Variants in URB1 observed in about 807,000 individuals in gnomAD.
URB1 encodes URB1 ribosome biogenesis factor, also known as nucleolar pre-ribosomal-associated protein 1.
In URB1, 197 loss-of-function variants were observed where a neutral mutation model predicts 242.3. That is an observed-to-expected ratio of 0.81 (90% CI 0.72 to 0.91). URB1 has a LOEUF of 0.91. URB1 is among the 40% of genes least tolerant of loss of function. The probability of loss-of-function intolerance (pLI) is 0.00; values close to 1 mark genes in which losing one functional copy is unlikely to be tolerated. For synonymous variants in URB1, 1,153 were observed against 1,201.8 expected (o/e 0.96, Z 0.84); for missense variants, 2,721 against 2,860.5 (o/e 0.95, Z 1.11).
intron 35 of URB1, 112 bp downstream of exon 35, chr21:32,320,419 G>A (rs1017573562): frequency 1.3e-6 from 1 of 794,896 alleles, no homozygotes; most frequent in Non-Finnish European, 2.0e-6. Context: ...ATTTCAGAGA[G>A]CATGGATTTT....
At chr21:32,370,680 T>C (rs982675940) in intron 8 of URB1, among the ~76,000 whole-genome samples, 5 of 152,226 alleles carry the variant, frequency 3.3e-5, no homozygotes, top group Non-Finnish European at 5.9e-5. Context: ...GTCTGCTCTG[T>C]TAACCTACAC....
chr21:32,377,291 G>A (rs765379524), intron 5 of URB1: 3 of 512,808 alleles, frequency 5.9e-6, no homozygotes, highest in South Asian at 4.3e-5. Context: ...GAGGTCCAGG[G>A]GGACGGGCCC....
Position 32,324,373 on chromosome 21 carries a change from C to A in URB1, c.5233+118G>T. 3.8e-6 allele frequency: 3 copies of A among 788,194 alleles called. No homozygotes were observed. In the South Asian group the frequency reaches 5.0e-5, roughly 13 times the overall value. 48.8% of individuals were successfully genotyped at this position (788,194 alleles called of 1,614,324 possible). Reference sequence around the variant, plus strand: ...TCCTCATCTTCCACAATCATGAGCACGGAGTGGCCTTGAACACAGATGTGT... The same window carrying A: ...TCCTCATCTTCCACAATCATGAGCAAGGAGTGGCCTTGAACACAGATGTGT... On this transcript the variant is annotated intron_variant, in intron 32 of 38. Transcript: ENST00000382751.
intron 5 of URB1, among the ~76,000 whole-genome samples, chr21:32,376,960 C>T (rs912613567): frequency 6.6e-6 from 1 of 152,154 alleles, no homozygotes; most frequent in Non-Finnish European, 1.5e-5. Context: ...CGACGGCCAG[C>T]CTCCAGAGTA....
rs1187950141 is a variant in URB1 at position 32,311,684 on chromosome 21, G to C, written c.*3234C>G. The C allele has an allele frequency of 1.2e-6, 2 of 1,613,792 alleles. No individual in the cohort carries two copies. Among genetic ancestry groups the C allele is most frequent in the East Asian group, 2.2e-5 (1 of 44,890 alleles). The stretch of plus-strand genomic sequence containing the variant: ...GCCTCCCACTCTGCTCTGTTCACAG[G>C]AACAGCCCCAAGCACCACCAAACAT... On this transcript the variant is annotated 3_prime_UTR_variant, in exon 39 of 39. Transcript: ENST00000382751.
chr21:32,322,413 G>C lies in URB1; in HGVS notation c.5340+65C>G. ...AGGATCCATGGGGAAATGTCAGAAT[G>C]ACAACGGTGGCTGCATCATCAATTC... On this transcript the variant is annotated intron_variant, in intron 33 of 38. Coordinates refer to ENST00000382751, the MANE Select transcript of URB1 (RefSeq NM_014825.3). 3 of 1,385,270 alleles carry C rather than the reference G, an allele frequency of 2.2e-6. No homozygotes were observed. In the East Asian group the frequency reaches 7.5e-5, roughly 35 times the overall value. The allele number at this position is 1,385,270 out of a possible 1,614,324, so 85.8% of individuals were successfully genotyped here.
intron 37 of URB1, 101 bp from the exon 38 acceptor site, chr21:32,317,166 G>A: frequency 1.4e-6 from 2 of 1,428,220 alleles, no homozygotes; most frequent in African/African-American, 1.4e-5. Context: ...GGGGCGGCTT[G>A]CATGTCCTGA....
At chr21:32,384,289 G>A in intron 3 of URB1, 24 bp downstream of exon 3, 3 of 1,542,952 alleles carry the variant, frequency 1.9e-6, no homozygotes, top group Non-Finnish European at 1.8e-6. Context: ...CCCATCCTTT[G>A]TCACACCAAG....
intron 8 of URB1, among the ~76,000 whole-genome samples, chr21:32,371,897 T>C (rs1045574487): frequency 6.6e-6 from 1 of 152,150 alleles, no homozygotes; most frequent in African/African-American, 2.4e-5. Flanking sequence ...AACCAGTAGA[T>C]TTGAACTTAA....
In URB1 at chr21:32,368,427, T is replaced by C; in HGVS notation, c.1173A>G (p.Leu391=). 1 of 1,546,948 alleles carries C rather than the reference T, an allele frequency of 6.5e-7. No individual in the cohort carries two copies. The highest frequency in any genetic ancestry group is 8.7e-7 in the Non-Finnish European group (1 of 1,145,450). The change falls in exon 9 of 39, where the codon TTA becomes TTG. Residue 391 remains leucine (L), a synonymous_variant. Coordinates refer to ENST00000382751, the MANE Select transcript of URB1 (RefSeq NM_014825.3). ...CCTTGTTTAGTAGTTTGATATTATT[T>C]AACCAAGTAGACTTCGCTCGTGGGA... is the stretch of plus-strand genomic sequence containing the variant. ...SFIPRAKSTW[L]NNIKLLNKIY... is the part of the protein sequence containing the mutation.
At position 32,321,871 on chromosome 21, in the gene URB1, C is replaced by T; in HGVS notation, c.5414G>A (p.Cys1805Tyr). The change falls in exon 34 of 39, where the codon TGT (cysteine) becomes TAT (tyrosine). Residue 1805 changes from cysteine (C) to tyrosine (Y), a missense_variant. Cys to Tyr is a radical substitution (Grantham distance 194). Transcript: ENST00000382751. ...GATGTGGAAGATGCCACGCCGGGCA[C>T]ACAGTTCGTAGCACTGCTTGTCACG... is the stretch of plus-strand genomic sequence containing the variant. ...GIRDKQCYEL[C>Y]ARRGIFHIIL... is the part of the protein sequence containing the mutation. The T allele has an allele frequency of 1.3e-6, 2 of 1,551,708 alleles. No homozygotes were observed. Among genetic ancestry groups the T allele is most frequent in the Non-Finnish European group, 8.7e-7 (1 of 1,147,010 alleles).
chr21:32,375,960 AAAAACAAAAC>A (rs879536866), intron 5 of URB1, among the ~76,000 whole-genome samples: 2 of 152,270 alleles, frequency 1.3e-5, no homozygotes, highest in Admixed American at 6.5e-5. Flanking sequence ...CTGTCTCCAA[AAAAACAAAAC>A]AAAACAAAAC....
chr21:32,333,592 T>C (rs2032921025), intron 29 of URB1, among the ~76,000 whole-genome samples, 173 bp from the exon 30 acceptor site: 1 of 152,254 alleles, frequency 6.6e-6, no homozygotes, highest in Non-Finnish European at 1.5e-5. Context: ...ACAAATCATT[T>C]ATGTTTCATA....
At chr21:32,374,893 T>C (rs1018623226) in intron 6 of URB1, among the ~76,000 whole-genome samples, 3 of 152,240 alleles carry the variant, frequency 2.0e-5, no homozygotes, top group Non-Finnish European at 4.4e-5. Context: ...TTAGCCATTT[T>C]CATGTGGACT....
chr21:32,361,604 G>A (rs1272178543), intron 12 of URB1, among the ~76,000 whole-genome samples: 2 of 152,032 alleles, frequency 1.3e-5, no homozygotes, highest in African/African-American at 4.8e-5. Flanking sequence ...CCCCCATACT[G>A]TCATCCCTGG....
Position 32,312,178 on chromosome 21 carries a change from A to G in URB1, c.*2740T>C. ...GATTGCAGTGGCCCCTCGAGTGCAGAGGTCATCCCAGGTGTTGCTGAGTTT... is the reference window on the plus strand; with the variant it reads ...GATTGCAGTGGCCCCTCGAGTGCAGGGGTCATCCCAGGTGTTGCTGAGTTT... On this transcript the variant is annotated 3_prime_UTR_variant, in exon 39 of 39. Coordinates refer to ENST00000382751, the MANE Select transcript of URB1 (RefSeq NM_014825.3). 6.6e-7 allele frequency: 1 copy of G among 1,504,226 alleles called. No individual in the cohort carries two copies. The highest frequency in any genetic ancestry group is 8.8e-7 in the Non-Finnish European group (1 of 1,130,098). The allele number at this position is 1,504,226 out of a possible 1,614,324, so 93.2% of individuals were successfully genotyped here.
intron 4 of URB1, among the ~76,000 whole-genome samples, chr21:32,382,634 T>C (rs1414074130): frequency 6.6e-6 from 1 of 152,158 alleles, no homozygotes; most frequent in East Asian, 1.9e-4. Flanking sequence ...CCTGTCCCCT[T>C]ATTCTTTACG....
rs1230729367 is a variant in URB1, at chr21:32,363,182, G to A, written c.1483C>T (p.Gln495Ter). 1 of 1,552,038 alleles carries A rather than the reference G, an allele frequency of 6.4e-7. No individual in the cohort carries two copies. The change falls in exon 11 of 39, where the codon CAG becomes TAG. Residue 495 changes from glutamine (Q) to a stop codon, truncating the protein, a stop_gained. Coordinates refer to ENST00000382751, the MANE Select transcript of URB1 (RefSeq NM_014825.3). LOFTEE classifies it high-confidence loss of function. ...TTGCTCAGGGCTTCTCTGAAGAGCT[G>A]CACGAATTCTTCCATCATCACAGCT... ...YTAVMMEEFV[Q>*]LFREALSKIL...
chr21:32,381,774 C>T (rs762020028), intron 4 of URB1, among the ~76,000 whole-genome samples: 6 of 152,130 alleles, frequency 3.9e-5, no homozygotes, highest in East Asian at 1.9e-4. Context: ...ATATGATTCA[C>T]GTCTGGGATT....
Sources: gnomAD v4.1 joint callset for allele counts (sites outside exome capture counted in the v4.1 genomes callset) on GRCh38, gnomAD v4.1.1 for gene constraint, MANE v1.5 for transcripts, NCBI Gene and HGNC (gene_info 2026-07-23, HGNC 2026-07-21) for gene names.